ST6GAL1: variants seen among roughly 807,000 people sequenced by gnomAD.
ST6GAL1 encodes the protein beta-galactoside alpha-2,6-sialyltransferase 1.
ST6GAL1 carries 20 observed loss-of-function variants against 38.0 expected under a neutral mutation model. The ratio of observed to expected loss-of-function variants is 0.53; its 90% confidence interval spans 0.37 to 0.77. The LOEUF (loss-of-function observed/expected upper bound fraction) is 0.77, where lower values mean the gene tolerates loss of function less well. ST6GAL1 is among the 30% of genes least tolerant of loss of function. The pLI, the probability that ST6GAL1 is intolerant of heterozygous loss-of-function variation, is 0.00. For synonymous variants in ST6GAL1, 196 were observed against 188.2 expected, an observed-to-expected ratio of 1.04 and a Z score of -0.34; for missense variants, 432 against 496.4, an observed-to-expected ratio of 0.87 and a Z score of 1.23.
At chr3:187,029,333 A>G (rs1717659786) in intron 2 of ST6GAL1, among the ~76,000 whole-genome samples, 1 of 152,182 alleles carries the variant, frequency 6.6e-6, no homozygotes, top group African/African-American at 2.4e-5. Context: ...TTCTAGAACA[A>G]CTTTCTTAAG....
intron 5 of ST6GAL1, among the ~76,000 whole-genome samples, chr3:187,058,557 C>T (rs1457135239): frequency 1.3e-5 from 2 of 152,096 alleles, no homozygotes; most frequent in Non-Finnish European, 2.9e-5. Context: ...ATCACCGTCA[C>T]ATCTTCTAGT....
At chr3:186,947,710 AC>A (rs1480872024) in intron 1 of ST6GAL1, among the ~76,000 whole-genome samples, 2 of 152,166 alleles carry the variant, frequency 1.3e-5, no homozygotes, top group Admixed American at 6.5e-5. Flanking sequence ...CTTAATCAGA[AC>A]CCTAATTTCC....
At position 187,043,042 on chromosome 3, in the gene ST6GAL1, G is replaced by A; in HGVS notation, c.339G>A (p.Trp113Ter). The part of the protein sequence containing the change: ...KNLIPRLQKI[W>*]KNYLSMNKYK... ...TTATCCCTAGGCTGCAAAAGATCTG[G>A]AAGAATTACCTAAGCATGAACAAGT... is the stretch of plus-strand genomic sequence containing the variant. Residue 113 changes from tryptophan (W) to a stop codon, truncating the protein, a stop_gained, in exon 4 of 8, where the codon TGG becomes TGA. Transcript: ENST00000169298. LOFTEE classifies it high-confidence loss of function. 1.2e-6 allele frequency: 2 copies of A among 1,614,180 alleles called. No individual in the cohort carries two copies. The highest frequency in any genetic ancestry group is 1.7e-6 in the Non-Finnish European group (2 of 1,180,038).
chr3:187,067,574 A>G (rs548188180), intron 5 of ST6GAL1, among the ~76,000 whole-genome samples: 16 of 152,150 alleles, frequency 1.1e-4, no homozygotes, highest in African/African-American at 3.6e-4. Context: ...GGATAAAACT[A>G]TCATTCATCT....
At chr3:187,053,423 T>C (rs1718582759) in intron 5 of ST6GAL1, among the ~76,000 whole-genome samples, 1 of 152,248 alleles carries the variant, frequency 6.6e-6, no homozygotes, top group Admixed American at 6.5e-5. Flanking sequence ...AGGGTTTTTA[T>C]GGTTTTAGGT....
intron 2 of ST6GAL1, among the ~76,000 whole-genome samples, chr3:187,009,584 A>T (rs1480030959): frequency 1.3e-5 from 2 of 152,194 alleles, no homozygotes; most frequent in East Asian, 3.8e-4. Flanking sequence ...GTGAGCTATC[A>T]CTGTGCCACT....
chr3:187,069,822 C>T (rs1394492358), intron 5 of ST6GAL1, among the ~76,000 whole-genome samples: 1 of 152,178 alleles, frequency 6.6e-6, no homozygotes, highest in Non-Finnish European at 1.5e-5. Context: ...ACACACTGTA[C>T]TAGTTGTTCC....
At position 187,068,608 on chromosome 3, in the gene ST6GAL1, G is replaced by C. The variant is rs568563669; in HGVS notation, c.706-4241G>C. ...CACATATTGTAAAGAAGAAAGCTTC[G>C]TGCATCTCTTGGAATTTCTGAGGAC... On this transcript the variant is annotated intron_variant, in intron 5 of 7. Coordinates refer to ENST00000169298, the MANE Select transcript of ST6GAL1 (RefSeq NM_173216.2). 6.6e-5 allele frequency among the ~76,000 whole-genome samples: 10 copies of C among 152,300 alleles called. No homozygotes were observed. The South Asian group carries it at 1.2e-3, about 19-fold the overall frequency.
intron 2 of ST6GAL1, among the ~76,000 whole-genome samples, chr3:187,020,742 G>A (rs1397414223): frequency 6.6e-6 from 1 of 152,194 alleles, no homozygotes; most frequent in Non-Finnish European, 1.5e-5. Flanking sequence ...GGCAATATGA[G>A]TTACTGTAGC....
intron 1 of ST6GAL1, among the ~76,000 whole-genome samples, chr3:186,944,200 C>T (rs1714276644): frequency 6.6e-6 from 1 of 152,262 alleles, no homozygotes; most frequent in Admixed American, 6.5e-5. Flanking sequence ...TCAAAAGATC[C>T]AGGTTTATTT....
At chr3:186,981,689 G>A (rs148214107) in intron 2 of ST6GAL1, among the ~76,000 whole-genome samples, 1 of 152,310 alleles carries the variant, frequency 6.6e-6, no homozygotes, top group East Asian at 1.9e-4. Context: ...ACTGAAGGCA[G>A]TCAGGAAATA....
chr3:187,064,971 G>A (rs1204581029), intron 5 of ST6GAL1, among the ~76,000 whole-genome samples: 5 of 151,654 alleles, frequency 3.3e-5, no homozygotes. Flanking sequence ...TTTCCCAGAC[G>A]GAGAGGTCTC....
chr3:187,002,213 C>T (rs554297906), intron 2 of ST6GAL1, among the ~76,000 whole-genome samples: 1 of 152,096 alleles, frequency 6.6e-6, no homozygotes, highest in Non-Finnish European at 1.5e-5. Flanking sequence ...TGAATGAGCT[C>T]ATAATTCCAC....
At chr3:187,028,708 ATAT>A (rs1454190244) in intron 2 of ST6GAL1, among the ~76,000 whole-genome samples, 1 of 152,204 alleles carries the variant, frequency 6.6e-6, no homozygotes, top group Non-Finnish European at 1.5e-5. Flanking sequence ...TACGTATTAC[ATAT>A]TATTATATCT....
At chr3:187,069,158 C>T (rs542630228) in intron 5 of ST6GAL1, among the ~76,000 whole-genome samples, 226 of 150,280 alleles carry the variant, frequency 1.5e-3, no homozygotes, top group Admixed American at 2.6e-3. Flanking sequence ...TTTCTCAAGA[C>T]GGAGTCTCGC....
chr3:186,936,120 T>C (rs1579249994), intron 1 of ST6GAL1, among the ~76,000 whole-genome samples: 1 of 152,134 alleles, frequency 6.6e-6, no homozygotes, highest in Non-Finnish European at 1.5e-5. Flanking sequence ...CCTTAGAAAT[T>C]GCCCTCAGGA....
At chr3:186,975,968 G>A (rs188157493) in intron 2 of ST6GAL1, among the ~76,000 whole-genome samples, 3 of 152,322 alleles carry the variant, frequency 2.0e-5, no homozygotes, top group Non-Finnish European at 4.4e-5. Context: ...CAGCCTCCCA[G>A]CCTCCCATAG....
chr3:187,064,808 C>G (rs1051249463), intron 5 of ST6GAL1, among the ~76,000 whole-genome samples: 2 of 152,236 alleles, frequency 1.3e-5, no homozygotes, highest in South Asian at 2.1e-4. Context: ...ATCTTTTGTC[C>G]TGGTCAGTTA....
intron 2 of ST6GAL1, among the ~76,000 whole-genome samples, chr3:186,966,349 A>AGGT (rs1482171752): frequency 6.6e-6 from 1 of 152,242 alleles, no homozygotes; most frequent in Non-Finnish European, 1.5e-5. Context: ...TGAGCTAACA[A>AGGT]GGTATCTATC....
Sources: gnomAD v4.1 joint callset for allele counts (sites outside exome capture counted in the v4.1 genomes callset) on GRCh38, gnomAD v4.1.1 for gene constraint, MANE v1.5 for transcripts, NCBI Gene and HGNC (gene_info 2026-07-23, HGNC 2026-07-21) for gene names.